Variants in PPARGC1A observed in about 807,000 individuals in gnomAD.
PPARGC1A encodes peroxisome proliferator-activated receptor gamma coactivator 1-alpha.
PPARGC1A carries 25 observed loss-of-function variants against 88.7 expected under a neutral mutation model. The observed-to-expected ratio is 0.28, with a 90% CI of 0.21 to 0.39. The LOEUF is 0.39. Among genes scored for constraint, PPARGC1A ranks in the 10% least tolerant of loss-of-function variants. The pLI, the probability that PPARGC1A is intolerant of heterozygous loss-of-function variation, is 1.00. For synonymous variants in PPARGC1A, 363 were observed against 355.6 expected (o/e 1.02, Z -0.24); for missense variants, 880 against 968.7 (o/e 0.91, Z 1.22).
At chr4:24,055,183 C>G in the PPARGC1A span, among the ~76,000 whole-genome samples, 10 of 152,188 alleles carry the variant, frequency 6.6e-5, no homozygotes, top group Admixed American at 5.9e-4. Flanking sequence ...AACTTGGGTT[C>G]CAGCCCGTAT....
the PPARGC1A span, among the ~76,000 whole-genome samples, chr4:23,980,665 G>GCAGCT: frequency 3.3e-5 from 5 of 152,262 alleles, 1 homozygote; most frequent in African/African-American, 1.2e-4. Flanking sequence ...TCATTTCAGG[G>GCAGCT]CAGCTCAGCG....
chr4:24,326,137 T>C, the PPARGC1A span, among the ~76,000 whole-genome samples: 5 of 151,592 alleles, frequency 3.3e-5, no homozygotes, highest in South Asian at 2.1e-4. Flanking sequence ...CCTTGGCGAC[T>C]GATCATGCAC....
chr4:23,857,215 G>C (rs1355861607), intron 2 of PPARGC1A, among the ~76,000 whole-genome samples: 3 of 151,704 alleles, frequency 2.0e-5, no homozygotes, highest in South Asian at 4.2e-4. Context: ...TGTTCTATAG[G>C]TGTTTCTGGG....
At chr4:23,948,868 G>C in the PPARGC1A span, among the ~76,000 whole-genome samples, 1 of 152,160 alleles carries the variant, frequency 6.6e-6, no homozygotes, top group Non-Finnish European at 1.5e-5. Context: ...GCCCTTAGGA[G>C]TGCTCAGATC....
chr4:24,306,922 A>G, the PPARGC1A span, among the ~76,000 whole-genome samples: 1 of 152,234 alleles, frequency 6.6e-6, no homozygotes, highest in Non-Finnish European at 1.5e-5. Context: ...TTGTCACTAA[A>G]CATACTTTTA....
chr4:24,132,186 G>A, the PPARGC1A span, among the ~76,000 whole-genome samples: 1 of 151,932 alleles, frequency 6.6e-6, no homozygotes, highest in East Asian at 1.9e-4. Context: ...TGAAACCTTA[G>A]ATGTTACACT....
chr4:24,414,009 G>T, the PPARGC1A span, among the ~76,000 whole-genome samples: 1 of 152,070 alleles, frequency 6.6e-6, no homozygotes, highest in Non-Finnish European at 1.5e-5. Context: ...AGTGAGACTC[G>T]AACCCACGGT....
the PPARGC1A span, among the ~76,000 whole-genome samples, chr4:24,199,491 A>T: frequency 6.6e-6 from 1 of 152,194 alleles, no homozygotes; most frequent in Non-Finnish European, 1.5e-5. Context: ...GCCACAGAGG[A>T]CATTTTAATT....
chr4:24,133,901 C>A, the PPARGC1A span, among the ~76,000 whole-genome samples: 2 of 152,050 alleles, frequency 1.3e-5, no homozygotes, highest in African/African-American at 4.8e-5. Flanking sequence ...CTAAACTGTC[C>A]CTTCAGAATA....
chr4:24,264,200 A>G, the PPARGC1A span, among the ~76,000 whole-genome samples: 1 of 152,100 alleles, frequency 6.6e-6, no homozygotes, highest in African/African-American at 2.4e-5. Context: ...GTTTTGGGAG[A>G]ATCAAAAGTT....
the PPARGC1A span, among the ~76,000 whole-genome samples, chr4:24,415,015 C>A: frequency 6.6e-6 from 1 of 152,036 alleles, no homozygotes; most frequent in Non-Finnish European, 1.5e-5. Flanking sequence ...TATGGTGAAA[C>A]CCCGTCTCTA....
chr4:23,926,407 CTCTT>C, the PPARGC1A span, among the ~76,000 whole-genome samples: 157 of 152,302 alleles, frequency 1.0e-3, no homozygotes, highest in Non-Finnish European at 3.7e-4. Context: ...ATTCTTAAGT[CTCTT>C]CCTTCCTTTC....
chr4:24,145,715 A>G, the PPARGC1A span, among the ~76,000 whole-genome samples: 1 of 152,226 alleles, frequency 6.6e-6, no homozygotes, highest in Non-Finnish European at 1.5e-5. Flanking sequence ...ACTCAGTATG[A>G]GACAGCTAGA....
chr4:24,322,073 AAGGAATTATTCC>A, the PPARGC1A span, among the ~76,000 whole-genome samples: 2 of 152,226 alleles, frequency 1.3e-5, no homozygotes, highest in Non-Finnish European at 2.9e-5. Context: ...GAAGGCTTGC[AAGGAATTATTCC>A]AGCTATAATG....
chr4:24,071,176 T>C, the PPARGC1A span, among the ~76,000 whole-genome samples: 1 of 152,084 alleles, frequency 6.6e-6, no homozygotes, highest in African/African-American at 2.4e-5. Context: ...TAACTTACCA[T>C]CCCCACCTCA....
intron 12 of PPARGC1A, among the ~76,000 whole-genome samples, chr4:23,799,230 T>C (rs183314081): frequency 6.6e-6 from 1 of 152,196 alleles, no homozygotes; most frequent in Non-Finnish European, 1.5e-5. Flanking sequence ...ACAGGAAAAA[T>C]GTTTTGAGTT....
upstream of PPARGC1A, among the ~76,000 whole-genome samples, chr4:23,908,687 G>T (rs1477682184): frequency 6.6e-6 from 1 of 152,034 alleles, no homozygotes; most frequent in Non-Finnish European, 1.5e-5. Context: ...CTAAATGTTC[G>T]CAGTCTTTCT....
the PPARGC1A span, among the ~76,000 whole-genome samples, chr4:24,066,801 T>A: frequency 1.3e-5 from 2 of 151,554 alleles, no homozygotes; most frequent in South Asian, 2.1e-4. Context: ...TGCCATGACA[T>A]CTATAGACTT....
At chr4:24,253,854 A>T in the PPARGC1A span, among the ~76,000 whole-genome samples, 1 of 152,316 alleles carries the variant, frequency 6.6e-6, no homozygotes, top group Non-Finnish European at 1.5e-5. Context: ...CCATGCATTC[A>T]TTCACTCATT....
Sources: allele counts gnomAD v4.1 joint callset (sites outside exome capture counted in the v4.1 genomes callset), GRCh38; gene constraint gnomAD v4.1.1; transcripts MANE v1.5; gene names NCBI Gene and HGNC (gene_info 2026-07-23, HGNC 2026-07-21).